SPIDR: variants seen among roughly 807,000 people sequenced by gnomAD.
SPIDR encodes the protein DNA repair-scaffolding protein.
In SPIDR, 93 loss-of-function variants were observed where a neutral mutation model predicts 104.6. The ratio of observed to expected loss-of-function variants is 0.89; its 90% CI spans 0.75 to 1.06. The LOEUF is 1.06. Among genes scored for constraint, SPIDR ranks in the 50% least tolerant of loss-of-function variants. The pLI is 0.00. For missense variants in SPIDR, 1,154 were observed against 1,111.2 expected (o/e 1.04, Z -0.55); for synonymous variants, 431 against 416.9 (o/e 1.03, Z -0.41).
intron 11 of SPIDR, among the ~76,000 whole-genome samples, chr8:47,694,296 T>C (rs1223098023): frequency 6.6e-6 from 1 of 152,188 alleles, no homozygotes; most frequent in Non-Finnish European, 1.5e-5. Context: ...AAATACAGCC[T>C]ACCAGATATG....
At chr8:47,633,691 T>G (rs894724421) in intron 10 of SPIDR, among the ~76,000 whole-genome samples, 3 of 151,908 alleles carry the variant, frequency 2.0e-5, no homozygotes, top group Non-Finnish European at 4.4e-5. Context: ...TGGGAGATAC[T>G]GTTTACTGAC....
At chr8:47,493,830 G>A (rs1002707933) in intron 8 of SPIDR, among the ~76,000 whole-genome samples, 1 of 152,148 alleles carries the variant, frequency 6.6e-6, no homozygotes, top group African/African-American at 2.4e-5. Flanking sequence ...TCCCTTAGGA[G>A]CTGGATATTT....
At chr8:47,393,456 G>T (rs1554653885) in intron 5 of SPIDR, among the ~76,000 whole-genome samples, 1 of 152,056 alleles carries the variant, frequency 6.6e-6, no homozygotes, top group Non-Finnish European at 1.5e-5. Context: ...TACCATCTGA[G>T]GTTGTTGGCT....
intron 16 of SPIDR, among the ~76,000 whole-genome samples, chr8:47,717,779 A>ATG (rs1193068540): frequency 3.9e-5 from 6 of 152,226 alleles, no homozygotes; most frequent in African/African-American, 1.2e-4. Flanking sequence ...AATGTAATCA[A>ATG]TAGGCAGTTT....
intron 10 of SPIDR, among the ~76,000 whole-genome samples, chr8:47,643,163 A>G (rs2069493875): frequency 6.6e-6 from 1 of 152,136 alleles, no homozygotes; most frequent in Non-Finnish European, 1.5e-5. Context: ...AACATGAATA[A>G]TACTTACACA....
chr8:47,420,950 T>G (rs1291832599), intron 7 of SPIDR, among the ~76,000 whole-genome samples: 7 of 152,284 alleles, frequency 4.6e-5, no homozygotes, highest in African/African-American at 1.7e-4. Flanking sequence ...CATTATCTTC[T>G]GGCTTGCAGA....
chr8:47,389,367 T>A (rs201735925), intron 5 of SPIDR, among the ~76,000 whole-genome samples: 1 of 151,934 alleles, frequency 6.6e-6, no homozygotes, highest in African/African-American at 2.4e-5. Context: ...CGCAAAGTAA[T>A]TTTTTTTGTA....
chr8:47,419,387 T>G (rs1421968587), intron 7 of SPIDR: 2 of 152,196 alleles, frequency 1.3e-5, no homozygotes. Context: ...TTCTTCTAGA[T>G]TTTCTAGTTT....
chr8:47,735,117 T>TGG (rs139269383), intron 19 of SPIDR, among the ~76,000 whole-genome samples, 190 bp from the exon 20 acceptor site: 1 of 138,944 alleles, frequency 7.2e-6, no homozygotes, highest in African/African-American at 3.1e-5. Context: ...TGTGGGTGTG[T>TGG]GTGTGTGTGT....
At chr8:47,685,120 G>A (rs2077588516) in intron 11 of SPIDR, among the ~76,000 whole-genome samples, 1 of 152,204 alleles carries the variant, frequency 6.6e-6, no homozygotes, top group Non-Finnish European at 1.5e-5. Context: ...GCTGAGGCCG[G>A]AGAATCGCTT....
chr8:47,716,958 CTG>C (rs1315684688), intron 16 of SPIDR, among the ~76,000 whole-genome samples: 1 of 152,136 alleles, frequency 6.6e-6, no homozygotes, highest in African/African-American at 2.4e-5. Flanking sequence ...GCCCCAGAGA[CTG>C]TGATGCAAAG....
At chr8:47,449,321 G>A (rs1327228117) in intron 8 of SPIDR, among the ~76,000 whole-genome samples, 1 of 152,148 alleles carries the variant, frequency 6.6e-6, no homozygotes, top group Non-Finnish European at 1.5e-5. Flanking sequence ...TAGTTTTTTG[G>A]TGTCAGCAGT....
At chr8:47,389,117 A>C (rs1554650026) in intron 5 of SPIDR, among the ~76,000 whole-genome samples, 1 of 152,218 alleles carries the variant, frequency 6.6e-6, no homozygotes, top group Non-Finnish European at 1.5e-5. Flanking sequence ...GATAATAGCT[A>C]CATAGTCATT....
intron 8 of SPIDR, among the ~76,000 whole-genome samples, chr8:47,524,523 G>C (rs1313886155): frequency 6.6e-6 from 1 of 152,134 alleles, no homozygotes; most frequent in Admixed American, 6.5e-5. Flanking sequence ...GGAACTGCAG[G>C]CTCTCAGCAT....
chr8:47,346,423 ACT>A (rs2052048282), intron 5 of SPIDR, among the ~76,000 whole-genome samples: 1 of 151,730 alleles, frequency 6.6e-6, no homozygotes, highest in Admixed American at 6.6e-5. Flanking sequence ...TTGGTCTAAA[ACT>A]CTCTTTTTTT....
chr8:47,331,222 T>C (rs1023548742), intron 5 of SPIDR, among the ~76,000 whole-genome samples: 1 of 152,184 alleles, frequency 6.6e-6, no homozygotes, highest in South Asian at 2.1e-4. Context: ...GATTATTGAT[T>C]TTGATCATTT....
chr8:47,596,899 A>G (rs2061683317), intron 9 of SPIDR, among the ~76,000 whole-genome samples: 2 of 152,208 alleles, frequency 1.3e-5, no homozygotes, highest in Middle Eastern at 3.4e-3. Flanking sequence ...ACAATAGCCT[A>G]GATCTTCACA....
At chr8:47,408,687 G>A (rs1228873862) in intron 7 of SPIDR, among the ~76,000 whole-genome samples, 4 of 152,088 alleles carry the variant, frequency 2.6e-5, no homozygotes, top group African/African-American at 9.7e-5. Context: ...CTTATATCTA[G>A]AAAACCCTAT....
At chr8:47,561,499 T>G (rs372689932) in intron 8 of SPIDR, among the ~76,000 whole-genome samples, 1 of 152,196 alleles carries the variant, frequency 6.6e-6, no homozygotes, top group East Asian at 1.9e-4. Flanking sequence ...CCCGCTGCAG[T>G]TGATCTTTAG....
Sources: gnomAD v4.1 joint callset for allele counts (sites outside exome capture counted in the v4.1 genomes callset) on GRCh38, gnomAD v4.1.1 for gene constraint, MANE v1.5 for transcripts, NCBI Gene and HGNC (gene_info 2026-07-23, HGNC 2026-07-21) for gene names.